Variants in MDFIC observed in about 807,000 individuals in gnomAD.
The protein encoded by MDFIC is myoD family inhibitor domain-containing protein.
A neutral mutation model predicts 23.2 loss-of-function variants in MDFIC; 17 were observed. The ratio of observed to expected loss-of-function variants is 0.73; its 90% confidence interval spans 0.50 to 1.10. The LOEUF (loss-of-function observed/expected upper bound fraction) is 1.10. Ranked by LOEUF, MDFIC falls within the 50% of genes least tolerant of loss-of-function variation. The pLI is 0.00. For missense variants in MDFIC, 356 were observed against 316.6 expected, an observed-to-expected ratio of 1.12 and a Z score of -0.95; for synonymous variants, 120 against 115.2, an observed-to-expected ratio of 1.04 and a Z score of -0.27.
intron 2 of MDFIC, among the ~76,000 whole-genome samples, chr7:114,929,064 TAG>T (rs1263791778): frequency 2.5e-5 from 3 of 121,682 alleles, no homozygotes; most frequent in African/African-American, 8.6e-5. Context: ...AATATAGATA[TAG>T]ATCTATAGAT....
chr7:114,967,563 C>G (rs551135592), intron 3 of MDFIC, among the ~76,000 whole-genome samples: 6 of 151,976 alleles, frequency 3.9e-5, no homozygotes, highest in Admixed American at 6.6e-5. Flanking sequence ...TTTGGATTTT[C>G]TGTTATATGA....
At chr7:115,014,146 A>C (rs768580556) in intron 4 of MDFIC, 31 of 985,242 alleles carry the variant, frequency 3.1e-5, no homozygotes, top group Non-Finnish European at 3.6e-5. Context: ...GTGTTTCCAC[A>C]TTTTCTCCTT....
chr7:115,001,462 T>C (rs919655078), intron 4 of MDFIC, among the ~76,000 whole-genome samples: 2 of 152,226 alleles, frequency 1.3e-5, no homozygotes, highest in African/African-American at 4.8e-5. Flanking sequence ...CAGGGAAGGA[T>C]GCAGAAATTG....
intron 4 of MDFIC, among the ~76,000 whole-genome samples, chr7:115,001,115 T>C (rs963947643): frequency 6.6e-6 from 1 of 152,154 alleles, no homozygotes; most frequent in Non-Finnish European, 1.5e-5. Flanking sequence ...ATAATAAAAT[T>C]GAATAATTAT....
At chr7:114,969,775 A>G (rs1175600096) in intron 3 of MDFIC, among the ~76,000 whole-genome samples, 1 of 152,106 alleles carries the variant, frequency 6.6e-6, no homozygotes, top group Non-Finnish European at 1.5e-5. Flanking sequence ...CCCTCACACA[A>G]ACGTATATGT....
intron 3 of MDFIC, among the ~76,000 whole-genome samples, chr7:114,969,555 T>TA (rs1446018723): frequency 3.3e-5 from 5 of 152,234 alleles, no homozygotes; most frequent in Admixed American, 1.3e-4. Context: ...TGTATTCTAT[T>TA]AAAAATACTT....
intron 3 of MDFIC, among the ~76,000 whole-genome samples, chr7:114,950,341 A>C (rs1185746075): frequency 6.6e-6 from 1 of 152,192 alleles, no homozygotes; most frequent in East Asian, 1.9e-4. Context: ...GCTGAGAATG[A>C]AGCCCAAGGT....
chr7:114,977,767 A>T (rs1215083400), intron 3 of MDFIC, among the ~76,000 whole-genome samples: 2 of 151,622 alleles, frequency 1.3e-5, no homozygotes, highest in Admixed American at 6.6e-5. Context: ...TTACACTTTA[A>T]ATAAAAAGTT....
chr7:114,938,076 C>A (rs1190726089), intron 2 of MDFIC, among the ~76,000 whole-genome samples: 3 of 152,298 alleles, frequency 2.0e-5, no homozygotes, highest in Admixed American at 2.0e-4. Flanking sequence ...CCTGCCTCAG[C>A]CTCCCAAGTG....
chr7:114,930,186 G>A (rs959866448), intron 2 of MDFIC, among the ~76,000 whole-genome samples: 2 of 152,216 alleles, frequency 1.3e-5, no homozygotes, highest in African/African-American at 4.8e-5. Context: ...TGAATTCTTA[G>A]TGGAAGTGAT....
At chr7:114,956,666 T>A (rs1792890614) in intron 3 of MDFIC, among the ~76,000 whole-genome samples, 1 of 152,148 alleles carries the variant, frequency 6.6e-6, no homozygotes, top group Non-Finnish European at 1.5e-5. Context: ...TTATCTTGGC[T>A]TAAAATATGT....
chr7:114,969,777 C>G (rs530007887), intron 3 of MDFIC, among the ~76,000 whole-genome samples: 1 of 152,150 alleles, frequency 6.6e-6, no homozygotes, highest in African/African-American at 2.4e-5. Context: ...CTCACACAAA[C>G]GTATATGTAC....
intron 3 of MDFIC, among the ~76,000 whole-genome samples, chr7:114,948,893 C>T (rs1188189692): frequency 2.0e-5 from 3 of 152,094 alleles, no homozygotes; most frequent in African/African-American, 4.8e-5. Context: ...AAAAAAGAGA[C>T]TGCTTTACAA....
At chr7:114,931,908 C>T (rs1176714412) in intron 2 of MDFIC, among the ~76,000 whole-genome samples, 3 of 152,164 alleles carry the variant, frequency 2.0e-5, no homozygotes, top group Non-Finnish European at 4.4e-5. Context: ...ATGAAGGAAC[C>T]AGCTTCCTCT....
chr7:114,978,207 T>A (rs1793352963), intron 3 of MDFIC, among the ~76,000 whole-genome samples: 2 of 151,890 alleles, frequency 1.3e-5, no homozygotes, highest in African/African-American at 4.8e-5. Context: ...GATAGAAATA[T>A]CTCATACATC....
chr7:114,937,404 C>T (rs1453472317), intron 2 of MDFIC, among the ~76,000 whole-genome samples: 2 of 152,216 alleles, frequency 1.3e-5, no homozygotes, highest in Admixed American at 6.5e-5. Flanking sequence ...CAATGCCCTA[C>T]AATGGCTTTT....
intron 4 of MDFIC, among the ~76,000 whole-genome samples, chr7:114,992,429 G>C (rs916009927): frequency 3.9e-5 from 6 of 152,104 alleles, no homozygotes; most frequent in African/African-American, 1.4e-4. Flanking sequence ...TCTTGTGCCA[G>C]TTTTCAAAGG....
intron 2 of MDFIC, among the ~76,000 whole-genome samples, chr7:114,930,078 A>C (rs776704622): frequency 3.3e-5 from 5 of 152,176 alleles, no homozygotes; most frequent in African/African-American, 4.8e-5. Context: ...GATGTCTGGA[A>C]AAGATTTGGA....
chr7:114,986,472 T>C (rs1239059785), intron 4 of MDFIC, among the ~76,000 whole-genome samples: 1 of 152,168 alleles, frequency 6.6e-6, no homozygotes, highest in Non-Finnish European at 1.5e-5. Flanking sequence ...TTCCCCTCCT[T>C]CCTTGTGAAT....
Sources: allele counts gnomAD v4.1 joint callset (sites outside exome capture counted in the v4.1 genomes callset), GRCh38; gene constraint gnomAD v4.1.1; transcripts MANE v1.5; gene names NCBI Gene and HGNC (gene_info 2026-07-23, HGNC 2026-07-21).